Variants in SLC4A1AP observed in about 807,000 individuals in gnomAD.
SLC4A1AP encodes the protein solute carrier family 4 member 1 adaptor protein, also known as kanadaptin.
A neutral mutation model predicts 89.7 loss-of-function variants in SLC4A1AP; 64 were observed. The ratio of observed to expected loss-of-function variants is 0.71; its 90% CI spans 0.58 to 0.88. SLC4A1AP has a LOEUF of 0.88. Among genes scored for constraint, SLC4A1AP ranks in the 40% least tolerant of loss-of-function variants. SLC4A1AP has a pLI of 0.00. For missense variants in SLC4A1AP, 931 were observed against 965.0 expected (o/e 0.96, Z 0.47); for synonymous variants, 366 against 353.3 (o/e 1.04, Z -0.40).
chr2:27,691,722 TG>T, intron 12 of SLC4A1AP: 1 of 152,036 alleles, frequency 6.6e-6, no homozygotes, highest in Non-Finnish European at 1.5e-5. Context: ...CCTGAATAGC[TG>T]GGATTACAGG....
At chr2:27,667,411 C>A (rs1352524108) in intron 3 of SLC4A1AP, 21 bp downstream of exon 3, 2 of 1,603,942 alleles carry the variant, frequency 1.2e-6, no homozygotes, top group Non-Finnish European at 8.5e-7. Context: ...AGATTCTGAC[C>A]CTACCACTAA....
chr2:27,673,442 C>CCCTT (rs1267419019), intron 5 of SLC4A1AP, among the ~76,000 whole-genome samples: 11 of 44,474 alleles, frequency 2.5e-4, no homozygotes, highest in African/African-American at 6.2e-4. Context: ...CTCCCTCCCT[C>CCCTT]CCTTCCTTCC....
chr2:27,677,611 T>G, intron 7 of SLC4A1AP, 127 bp from the exon 8 acceptor site: 1 of 768,404 alleles, frequency 1.3e-6, no homozygotes, highest in Non-Finnish European at 2.1e-6. Context: ...AACCTGTTCC[T>G]TATTCCTATT....
intron 10 of SLC4A1AP, among the ~76,000 whole-genome samples, chr2:27,687,374 G>A (rs2148139900): frequency 1.3e-5 from 2 of 151,998 alleles, no homozygotes; most frequent in East Asian, 3.9e-4. Flanking sequence ...CTTGAGCCCA[G>A]GAGTTTGAAA....
chr2:27,685,250 A>G, exon 10 of SLC4A1AP: 1 of 1,611,468 alleles, frequency 6.2e-7, no homozygotes, highest in East Asian at 2.2e-5. Flanking sequence ...CACAGATCTC[A>G]CACATTTTAA....
At position 27,677,800 on chromosome 2, in the gene SLC4A1AP, A is replaced by G. The variant is rs116695062; in HGVS notation, c.1639A>G (p.Ser547Gly). Residue 547 changes from serine to glycine, a missense_variant, in exon 8 of 14, where the codon AGT becomes GGT. Coordinates refer to ENST00000613058, the Ensembl canonical transcript of SLC4A1AP. ...GTTCATGTCAGAAATGAAATCAGGCAGTACATTAGATGGTGTGTCCCGGAA... is the reference window on the plus strand; with the variant it reads ...GTTCATGTCAGAAATGAAATCAGGCGGTACATTAGATGGTGTGTCCCGGAA... 135 of 1,613,670 alleles carry G rather than the reference A, an allele frequency of 8.4e-5. No individual in the cohort carries two copies. Among genetic ancestry groups the G allele is most frequent in the Non-Finnish European group, 1.1e-4 (131 of 1,179,818 alleles).
At chr2:27,690,435 T>C (rs1480151510) in intron 12 of SLC4A1AP, among the ~76,000 whole-genome samples, 1 of 152,202 alleles carries the variant, frequency 6.6e-6, no homozygotes, top group East Asian at 1.9e-4. Context: ...GTTACTTTGC[T>C]TAAAATAATG....
exon 1 of SLC4A1AP, chr2:27,664,033 C>T (rs2148127904): frequency 6.2e-7 from 1 of 1,614,224 alleles, no homozygotes; most frequent in East Asian, 2.2e-5. Context: ...GCCAGCAGTT[C>T]TTCAAACCCT....
At chr2:27,677,879 G>T in exon 8 of SLC4A1AP, 1 of 1,607,088 alleles carries the variant, frequency 6.2e-7, no homozygotes, top group Non-Finnish European at 8.5e-7. Context: ...AGACTTAAAG[G>T]GTTAATAAAA....
chr2:27,691,216 C>G (rs1333814210), intron 12 of SLC4A1AP, among the ~76,000 whole-genome samples: 1 of 151,954 alleles, frequency 6.6e-6, no homozygotes, highest in African/African-American at 2.4e-5. Context: ...CTGACTCAAT[C>G]TCACTGCTTT....
At chr2:27,667,619 T>C (rs1675352554) in intron 3 of SLC4A1AP, among the ~76,000 whole-genome samples, 1 of 152,158 alleles carries the variant, frequency 6.6e-6, no homozygotes, top group Non-Finnish European at 1.5e-5. Flanking sequence ...TTTCTTCTTA[T>C]CTTAAAAAAA....
intron 5 of SLC4A1AP, among the ~76,000 whole-genome samples, chr2:27,672,776 G>T (rs987888995): frequency 2.0e-5 from 3 of 152,158 alleles, no homozygotes; most frequent in African/African-American, 7.2e-5. Context: ...TGGGCCTTTT[G>T]TTGGGGAACC....
chr2:27,666,612 T>G (rs1675327381), intron 2 of SLC4A1AP, among the ~76,000 whole-genome samples: 1 of 152,006 alleles, frequency 6.6e-6, no homozygotes, highest in Non-Finnish European at 1.5e-5. Context: ...GAACGAAAGT[T>G]AGATATGAGT....
At chr2:27,669,127 A>T in intron 4 of SLC4A1AP, 121 bp from the exon 5 acceptor site, 4 of 1,146,438 alleles carry the variant, frequency 3.5e-6, no homozygotes, top group Non-Finnish European at 5.0e-6. Context: ...AGATAGAACA[A>T]GATGGATTCA....
At chr2:27,667,345 A>G in exon 3 of SLC4A1AP, 3 of 1,613,706 alleles carry the variant, frequency 1.9e-6, no homozygotes, top group Non-Finnish European at 2.5e-6. Context: ...GGCCTTTTAT[A>G]TAAAGGATCC....
intron 8 of SLC4A1AP, 35 bp from the exon 9 acceptor site, chr2:27,682,213 T>C (rs774590261): frequency 2.1e-6 from 3 of 1,417,246 alleles, no homozygotes; most frequent in Non-Finnish European, 2.9e-6. Context: ...TGGGACTCCC[T>C]GGAATAGATG....
intron 8 of SLC4A1AP, among the ~76,000 whole-genome samples, chr2:27,680,699 C>T (rs779996418): frequency 6.6e-6 from 1 of 151,826 alleles, no homozygotes; most frequent in Non-Finnish European, 1.5e-5. Flanking sequence ...TGAGGTATCA[C>T]TTGAACCTGG....
intron 5 of SLC4A1AP, among the ~76,000 whole-genome samples, chr2:27,673,334 TTTC>T (rs929235899): frequency 0.046 from 41 of 894 alleles, no homozygotes; most frequent in African/African-American, 0.085. Flanking sequence ...CTTTCTTTTC[TTTC>T]TTTCTTTCTT....
chr2:27,688,273 A>G (rs1186363886), intron 11 of SLC4A1AP, among the ~76,000 whole-genome samples: 1 of 152,132 alleles, frequency 6.6e-6, no homozygotes, highest in Non-Finnish European at 1.5e-5. Context: ...ATGCCTTGAT[A>G]CTTCCCTCTG....
Sources: gnomAD v4.1 joint callset for allele counts (sites outside exome capture counted in the v4.1 genomes callset) on GRCh38, gnomAD v4.1.1 for gene constraint, MANE v1.5 for transcripts, NCBI Gene and HGNC (gene_info 2026-07-23, HGNC 2026-07-21) for gene names.